Variants in IL1RAPL2 observed in about 807,000 individuals in gnomAD.
The protein encoded by IL1RAPL2 is interleukin 1 receptor accessory protein like 2.
In IL1RAPL2, 3 loss-of-function variants were observed where a neutral mutation model predicts 44.1. That is an observed-to-expected ratio of 0.07 (90% CI 0.03 to 0.18). The LOEUF (loss-of-function observed/expected upper bound fraction) is 0.18. Among genes scored for constraint, IL1RAPL2 ranks in the 10% least tolerant of loss-of-function variants. The pLI is 1.00. For synonymous variants in IL1RAPL2, 181 were observed against 178.8 expected, an observed-to-expected ratio of 1.01 and a Z score of -0.10; for missense variants, 391 against 496.4, an observed-to-expected ratio of 0.79 and a Z score of 2.02.
intron 2 of IL1RAPL2, among the ~76,000 whole-genome samples, chrX:104,930,400 T>C (rs772582077): frequency 8.9e-6 from 1 of 112,213 alleles, no homozygotes; most frequent in South Asian, 3.7e-4. Context: ...TATTGGTTTT[T>C]CTTGTTCACA....
At chrX:105,500,710 A>G (rs1408065556) in intron 6 of IL1RAPL2, among the ~76,000 whole-genome samples, 1 of 112,027 alleles carries the variant, frequency 8.9e-6, no homozygotes, top group Admixed American at 9.5e-5. Context: ...TACTTGCCCA[A>G]AAGAGAAAAT....
chrX:105,706,747 GT>G (rs2038168966), intron 6 of IL1RAPL2, among the ~76,000 whole-genome samples: 1 of 111,674 alleles, frequency 9.0e-6, no homozygotes, highest in African/African-American at 3.3e-5. Flanking sequence ...GACTTTTCTT[GT>G]GAGCAATGAT....
intron 2 of IL1RAPL2, among the ~76,000 whole-genome samples, chrX:104,674,837 T>C (rs1026394977): frequency 1.8e-5 from 2 of 111,906 alleles, no homozygotes; most frequent in South Asian, 7.5e-4. Flanking sequence ...AGAGTGTATG[T>C]GTCAAGGAAT....
chrX:105,183,232 G>A (rs1311005023), intron 2 of IL1RAPL2, among the ~76,000 whole-genome samples: 4 of 111,406 alleles, frequency 3.6e-5, no homozygotes, highest in African/African-American at 9.8e-5. Context: ...TAGGATGGGC[G>A]GTGGGGAGTA....
intron 5 of IL1RAPL2, among the ~76,000 whole-genome samples, chrX:105,310,013 G>A (rs2034784361): frequency 9.0e-6 from 1 of 111,303 alleles, no homozygotes; most frequent in Admixed American, 9.6e-5. Flanking sequence ...AAGTTAGGAA[G>A]TGATCCCTCC....
chrX:104,662,968 C>T (rs1930429715), intron 2 of IL1RAPL2, among the ~76,000 whole-genome samples: 1 of 111,722 alleles, frequency 9.0e-6, no homozygotes, highest in Non-Finnish European at 1.9e-5. Flanking sequence ...AGGAAAATTG[C>T]AGAGCTACCT....
chrX:105,269,397 A>G (rs2147657410), intron 5 of IL1RAPL2, among the ~76,000 whole-genome samples: 1 of 110,421 alleles, frequency 9.1e-6, no homozygotes, highest in South Asian at 3.8e-4. Flanking sequence ...ATATATTTTT[A>G]ATAAACTAAT....
At chrX:104,804,972 C>T (rs1294695089) in intron 2 of IL1RAPL2, among the ~76,000 whole-genome samples, 3 of 112,133 alleles carry the variant, frequency 2.7e-5, no homozygotes, top group Non-Finnish European at 5.6e-5. Flanking sequence ...ATGGCACAGA[C>T]AAGTGTTCTA....
At chrX:105,008,806 G>C (rs1369945672) in intron 2 of IL1RAPL2, among the ~76,000 whole-genome samples, 1 of 111,659 alleles carries the variant, frequency 9.0e-6, no homozygotes, top group Non-Finnish European at 1.9e-5. Context: ...CCATCAGAGT[G>C]AACAGGCAGC....
At chrX:104,677,745 C>T (rs925262592) in intron 2 of IL1RAPL2, among the ~76,000 whole-genome samples, 8 of 111,834 alleles carry the variant, frequency 7.2e-5, no homozygotes, top group African/African-American at 2.3e-4. Flanking sequence ...CAGCAGTCAG[C>T]GAGACTCCGT....
At chrX:104,882,409 C>G (rs1302682424) in intron 2 of IL1RAPL2, among the ~76,000 whole-genome samples, 1 of 112,015 alleles carries the variant, frequency 8.9e-6, no homozygotes, top group Non-Finnish European at 1.9e-5. Flanking sequence ...GAATAACATA[C>G]CATCCCAAAG....
intron 2 of IL1RAPL2, among the ~76,000 whole-genome samples, chrX:105,022,468 C>G (rs962906350): frequency 9.0e-6 from 1 of 111,641 alleles, no homozygotes; most frequent in Non-Finnish European, 1.9e-5. Context: ...TCCTCTGTCT[C>G]AATGAATAGT....
intron 7 of IL1RAPL2, among the ~76,000 whole-genome samples, chrX:105,729,506 G>A (rs1042397445): frequency 1.8e-5 from 2 of 111,038 alleles, no homozygotes; most frequent in African/African-American, 3.3e-5. Context: ...CTTTGATTAG[G>A]TGTCTGTTCA....
chrX:105,379,320 A>G (rs1204853303), intron 5 of IL1RAPL2, among the ~76,000 whole-genome samples: 3 of 111,479 alleles, frequency 2.7e-5, no homozygotes, highest in Non-Finnish European at 3.8e-5. Flanking sequence ...TCCATCCTGG[A>G]TATTACTCAG....
chrX:105,643,000 G>A (rs1013727741), intron 6 of IL1RAPL2, among the ~76,000 whole-genome samples: 1 of 112,792 alleles, frequency 8.9e-6, no homozygotes, highest in African/African-American at 3.2e-5. Context: ...TTCCCTTTGG[G>A]CTTTTAGAAG....
intron 2 of IL1RAPL2, among the ~76,000 whole-genome samples, chrX:105,009,838 A>C (rs2031018483): frequency 9.0e-6 from 1 of 111,144 alleles, no homozygotes; most frequent in Non-Finnish European, 1.9e-5. Flanking sequence ...CTGTGTGTTT[A>C]ATGGAGTATT....
intron 1 of IL1RAPL2, among the ~76,000 whole-genome samples, chrX:104,582,813 C>CTCTCTCTTTCTCTCCTTT: frequency 2.1e-5 from 1 of 47,378 alleles, no homozygotes; most frequent in Non-Finnish European, 3.5e-5. Flanking sequence ...CTCTTTCTCT[C>CTCTCTCTTTCTCTCCTTT]CTTTCTTTCT....
chrX:105,595,150 G>A (rs1170633209), intron 6 of IL1RAPL2, among the ~76,000 whole-genome samples: 1 of 111,728 alleles, frequency 9.0e-6, no homozygotes, highest in Non-Finnish European at 1.9e-5. Flanking sequence ...GGACTTTTTT[G>A]ATCACTGAAA....
intron 2 of IL1RAPL2, among the ~76,000 whole-genome samples, chrX:105,051,522 G>A (rs1827332629): frequency 8.9e-6 from 1 of 112,698 alleles, no homozygotes; most frequent in South Asian, 3.7e-4. Flanking sequence ...AAGAGCACAG[G>A]GAGGGTCGGA....
Sources: gnomAD v4.1 joint callset for allele counts (sites outside exome capture counted in the v4.1 genomes callset) on GRCh38, gnomAD v4.1.1 for gene constraint, MANE v1.5 for transcripts, NCBI Gene and HGNC (gene_info 2026-07-23, HGNC 2026-07-21) for gene names.